Variants in EHHADH observed in about 807,000 individuals in gnomAD.
EHHADH encodes the protein peroxisomal bifunctional enzyme.
In EHHADH, 48 loss-of-function variants were observed where a neutral mutation model predicts 64.4. The ratio of observed to expected loss-of-function variants is 0.75; its 90% CI spans 0.59 to 0.95. The LOEUF (loss-of-function observed/expected upper bound fraction) is 0.95, where lower values mean the gene tolerates loss of function less well. Among genes scored for constraint, EHHADH ranks in the 40% least tolerant of loss-of-function variants. The probability of loss-of-function intolerance (pLI) is 0.00; values close to 1 mark genes in which losing one functional copy is unlikely to be tolerated. For missense variants in EHHADH, 854 were observed against 876.6 expected (o/e 0.97, Z 0.33); for synonymous variants, 308 against 326.7 (o/e 0.94, Z 0.62).
intron 6 of EHHADH, among the ~76,000 whole-genome samples, chr3:185,204,153 A>T (rs994891319): frequency 3.1e-4 from 46 of 150,122 alleles, no homozygotes; most frequent in Admixed American, 7.9e-4. Context: ...AAAAAAAAAA[A>T]AAAAAGAATA....
intron 4 of EHHADH, 51 bp downstream of exon 4, chr3:185,229,381 G>A: frequency 8.3e-7 from 1 of 1,205,810 alleles, no homozygotes; most frequent in Non-Finnish European, 1.1e-6. Flanking sequence ...CTAAATCCTA[G>A]TCCAATTCTT....
rs1225520331 is a variant in EHHADH, at chr3:185,193,215, C to T, written c.1183G>A (p.Glu395Lys). 4 of 1,609,116 alleles carry T rather than the reference C, an allele frequency of 2.5e-6. No individual in the cohort carries two copies. Among genetic ancestry groups the T allele is most frequent in the Non-Finnish European group, 8.5e-7 (1 of 1,178,242 alleles). Residue 395 changes from glutamate (E) to lysine (K), a missense_variant, in exon 7 of 7, where the codon GAA becomes AAA. Glu to Lys is a moderately conservative substitution (Grantham distance 56). Transcript: ENST00000231887. ...TCTGGTTTGCACACAGCTGAGAGTT[C>T]AGCAAAGACCTGCTTCTTCAGGCTC... ...EMSLKKQVFA[E>K]LSAVCKPEAF... is the part of the protein sequence containing the mutation.
At chr3:185,198,012 G>A (rs1718113825) in intron 6 of EHHADH, among the ~76,000 whole-genome samples, 1 of 152,100 alleles carries the variant, frequency 6.6e-6, no homozygotes. Flanking sequence ...GGTCAGGCTG[G>A]TCTCGAATTC....
chr3:185,241,519 T>C (rs540939419), intron 2 of EHHADH, among the ~76,000 whole-genome samples: 1 of 152,206 alleles, frequency 6.6e-6, no homozygotes, highest in Non-Finnish European at 1.5e-5. Flanking sequence ...TGGTATCGCA[T>C]TGTGGTTTTG....
intron 1 of EHHADH, chr3:185,253,207 T>C (rs2108655319): frequency 6.9e-6 from 1 of 144,508 alleles, no homozygotes; most frequent in Admixed American, 7.1e-5. Flanking sequence ...CTTTAATCAC[T>C]GAGCTGGCAT....
intron 3 of EHHADH, 69 bp downstream of exon 3, chr3:185,235,221 A>G (rs951551559): frequency 1.4e-6 from 2 of 1,382,954 alleles, no homozygotes; most frequent in South Asian, 3.0e-5. Flanking sequence ...GATACTTATG[A>G]CTACATTTAG....
chr3:185,199,186 G>A (rs1415640548), intron 6 of EHHADH, among the ~76,000 whole-genome samples: 1 of 152,180 alleles, frequency 6.6e-6, no homozygotes, highest in African/African-American at 2.4e-5. Flanking sequence ...CATCCAGGTC[G>A]AGGAAGGGAA....
intron 6 of EHHADH, among the ~76,000 whole-genome samples, chr3:185,197,083 T>A (rs933059951): frequency 1.5e-4 from 22 of 151,348 alleles, no homozygotes; most frequent in African/African-American, 5.1e-4. Context: ...AATAGGCAAA[T>A]CCACAGAGAC....
In EHHADH at chr3:185,245,601, C is replaced by G. The variant is rs111447460; in HGVS notation, c.178+2813G>C. On this transcript the variant is annotated intron_variant, in intron 2 of 6. Coordinates refer to ENST00000231887, the MANE Select transcript of EHHADH (RefSeq NM_001966.4). ...TGCATGTCCTTCTGCAGGATTGTGT[C>G]CAGTGATCAGCATGTGTGACAAGTG... is the stretch of plus-strand genomic sequence containing the variant. 10 of 744,032 alleles carry G rather than the reference C, an allele frequency of 1.3e-5. 1 individual carries two copies. The highest frequency in any genetic ancestry group is 7.0e-5 in the African/African-American group (4 of 56,944). The allele number at this position is 744,032 out of a possible 1,614,324, so 46.1% of individuals were successfully genotyped here.
intron 2 of EHHADH, among the ~76,000 whole-genome samples, chr3:185,237,608 C>T (rs1405443788): frequency 6.6e-6 from 1 of 152,142 alleles, no homozygotes; most frequent in Non-Finnish European, 1.5e-5. Flanking sequence ...TACATCTCGA[C>T]ATAATCATAT....
chr3:185,250,673 C>G (rs1719722565), intron 1 of EHHADH, among the ~76,000 whole-genome samples: 1 of 148,164 alleles, frequency 6.7e-6, no homozygotes, highest in Non-Finnish European at 1.5e-5. Flanking sequence ...AGTTAAAACC[C>G]CAAGAAATAA....
intron 4 of EHHADH, among the ~76,000 whole-genome samples, chr3:185,220,709 G>GT (rs1055976227): frequency 1.3e-5 from 2 of 152,158 alleles, no homozygotes; most frequent in Non-Finnish European, 1.5e-5. Context: ...TTATGACATC[G>GT]TAAGTGTAGA....
At chr3:185,197,667 A>G (rs1177279773) in intron 6 of EHHADH, among the ~76,000 whole-genome samples, 1 of 152,210 alleles carries the variant, frequency 6.6e-6, no homozygotes, top group Admixed American at 6.5e-5. Context: ...TTGTATGTAT[A>G]TACCAAATTT....
At chr3:185,236,648 T>A (rs1719304348) in intron 2 of EHHADH, among the ~76,000 whole-genome samples, 1 of 152,182 alleles carries the variant, frequency 6.6e-6, no homozygotes, top group South Asian at 2.1e-4. Flanking sequence ...TGCTACCTGT[T>A]CCTCATCTAG....
chr3:185,246,782 A>C (rs966086745), intron 2 of EHHADH, among the ~76,000 whole-genome samples: 22 of 152,082 alleles, frequency 1.4e-4, no homozygotes, highest in African/African-American at 5.3e-4. Flanking sequence ...CTACTTGATT[A>C]GGGTGTATTT....
chr3:185,230,600 A>C (rs1412002190), intron 3 of EHHADH, among the ~76,000 whole-genome samples: 5 of 151,192 alleles, frequency 3.3e-5, no homozygotes, highest in Non-Finnish European at 7.4e-5. Flanking sequence ...TATATGAAAT[A>C]TCCAGAATAG....
At chr3:185,249,265 A>ACTACAGG (rs1719679797) in intron 1 of EHHADH, among the ~76,000 whole-genome samples, 1 of 152,048 alleles carries the variant, frequency 6.6e-6, no homozygotes, top group African/African-American at 2.4e-5. Context: ...AGTAGCTGGG[A>ACTACAGG]CTACAGGCGC....
At chr3:185,221,849 C>T (rs1718843504) in intron 4 of EHHADH, among the ~76,000 whole-genome samples, 1 of 152,014 alleles carries the variant, frequency 6.6e-6, no homozygotes, top group East Asian at 1.9e-4. Context: ...GCTGGGATTA[C>T]AGGCATGAGC....
intron 6 of EHHADH, among the ~76,000 whole-genome samples, chr3:185,204,145 AAAAAAAAAAAAAAG>A (rs1718308163): frequency 6.6e-6 from 1 of 150,542 alleles, no homozygotes; most frequent in East Asian, 2.0e-4. Flanking sequence ...AAAAAAAAAA[AAAAAAAAAAAAAAG>A]AATAAAACAT....
Sources: allele counts gnomAD v4.1 joint callset (sites outside exome capture counted in the v4.1 genomes callset), GRCh38; gene constraint gnomAD v4.1.1; transcripts MANE v1.5; gene names NCBI Gene and HGNC (gene_info 2026-07-23, HGNC 2026-07-21).